FRMD1: variants seen among roughly 807,000 people sequenced by gnomAD.
The protein encoded by FRMD1 is FERM domain containing 1.
FRMD1 carries 51 observed loss-of-function variants against 54.9 expected under a neutral mutation model. That is an observed-to-expected ratio of 0.93 (90% confidence interval 0.74 to 1.17). The LOEUF is 1.17. Among genes scored for constraint, FRMD1 ranks in the 50% most tolerant of loss-of-function variants. The pLI, the probability that FRMD1 is intolerant of heterozygous loss-of-function variation, is 0.00. For missense variants in FRMD1, 729 were observed against 743.0 expected (o/e 0.98, Z 0.22); for synonymous variants, 324 against 306.4 (o/e 1.06, Z -0.60).
At position 168,064,984 on chromosome 6, in the gene FRMD1, C is replaced by A; in HGVS notation, c.535G>T (p.Glu179Ter). 2 of 1,611,956 alleles carry A rather than the reference C, an allele frequency of 1.2e-6. No homozygotes were observed. Among genetic ancestry groups the A allele is most frequent in the Non-Finnish European group, 1.7e-6 (2 of 1,179,894 alleles). ...GCAGCCAGCAGGAAGTAGGCTTCCT[C>A]CCGGTGAGCGCACTGTGACCTCAGC... ...RVLRSQCAHR[E>*]EAYFLLAACA... is the part of the protein sequence containing the mutation. The change falls in exon 5 of 11, where the codon GAG becomes TAG. Residue 179 changes from glutamate to a stop codon, truncating the protein, a stop_gained. Transcript: ENST00000283309. LOFTEE classifies it high-confidence loss of function.
At chr6:168,080,839 G>A (rs1457474007), upstream of FRMD1, among the ~76,000 whole-genome samples, 10 of 151,666 alleles carry the variant, frequency 6.6e-5, no homozygotes, top group African/African-American at 1.7e-4. Context: ...TTGTGCGGGC[G>A]CTGGTGTGTG....
chr6:168,080,822 C>T (rs563130311), upstream of FRMD1, among the ~76,000 whole-genome samples: 9 of 150,070 alleles, frequency 6.0e-5, no homozygotes, highest in Non-Finnish European at 1.0e-4. Context: ...TGTGTGCGGG[C>T]GCTGGTTTGT....
rs1174886063 is a variant in FRMD1, at chr6:168,086,998, C to T, written c.-11-7974G>A. 2.0e-5 allele frequency among the ~76,000 whole-genome samples: 3 copies of T among 152,022 alleles called. No homozygotes were observed. In the South Asian group the frequency reaches 6.2e-4, roughly 32 times the overall value. On this transcript the variant is annotated intron_variant, in intron 1 of 12. Transcript: ENST00000644440. ...TGTGGTCACCTCAGCCCTGCGCTCA[C>T]CAGCCACTCACCTCTCCCCGCTCAC...
At chr6:168,081,027 G>A (rs1202364091), upstream of FRMD1, among the ~76,000 whole-genome samples, 5 of 152,212 alleles carry the variant, frequency 3.3e-5, no homozygotes, top group East Asian at 5.8e-4. Flanking sequence ...TGTCAAAGCA[G>A]GACGTCCCTG....
chr6:168,063,206 GC>G (rs1223970191), intron 6 of FRMD1, among the ~76,000 whole-genome samples: 5 of 152,072 alleles, frequency 3.3e-5, no homozygotes, highest in Non-Finnish European at 7.4e-5. Flanking sequence ...GCCATGCCGG[GC>G]CCGGGGTCCT....
In FRMD1 at chr6:168,059,057, C is replaced by A; in HGVS notation, c.1407+67G>T. On this transcript the variant is annotated intron_variant, in intron 10 of 10. Coordinates refer to ENST00000283309, the MANE Select transcript of FRMD1 (RefSeq NM_024919.6). The surrounding 1 kb of genome is among the most constrained non-coding windows in gnomAD (Gnocchi z 4.4). Reference sequence around the variant, plus strand: ...CTAGGAAGGTCCCCAGGGCCCCTGACAGGGGACCTAGGAGAAGGGGGTGGA... The same window carrying A: ...CTAGGAAGGTCCCCAGGGCCCCTGAAAGGGGACCTAGGAGAAGGGGGTGGA... 9.8e-6 allele frequency: 13 copies of A among 1,326,444 alleles called. No individual in the cohort carries two copies. The highest frequency in any genetic ancestry group is 1.4e-5 in the Non-Finnish European group (13 of 956,052). The allele number at this position is 1,326,444 out of a possible 1,614,324, so 82.2% of individuals were successfully genotyped here. A position where few individuals can be genotyped will look rare whatever the true frequency, so the allele number is the denominator to read the frequency against.
At chr6:168,085,371 C>T (rs558166421), upstream of FRMD1, among the ~76,000 whole-genome samples, 34 of 152,346 alleles carry the variant, frequency 2.2e-4, no homozygotes, top group Non-Finnish European at 3.8e-4. Flanking sequence ...ACAGTGAGGC[C>T]GCCTGGAGGG....
At chr6:168,080,378 G>A (rs1343153273), upstream of FRMD1, among the ~76,000 whole-genome samples, 3 of 151,458 alleles carry the variant, frequency 2.0e-5, no homozygotes, top group Admixed American at 6.6e-5. Flanking sequence ...CACAGCAAAC[G>A]TAGAGCTGTT....
chr6:168,082,181 A>G (rs1407615363), upstream of FRMD1, among the ~76,000 whole-genome samples: 1 of 152,312 alleles, frequency 6.6e-6, no homozygotes, highest in African/African-American at 2.4e-5. Flanking sequence ...CCTCTGCACA[A>G]TCAGCAACAC....
chr6:168,064,033 C>A (rs1799898394), intron 5 of FRMD1, among the ~76,000 whole-genome samples: 1 of 152,226 alleles, frequency 6.6e-6, no homozygotes, highest in Non-Finnish European at 1.5e-5. Context: ...GGACTCTACT[C>A]CCAACGAGCC....
At chr6:168,068,734 G>T (rs1324013258) in intron 2 of FRMD1, among the ~76,000 whole-genome samples, 2 of 152,210 alleles carry the variant, frequency 1.3e-5, no homozygotes, top group African/African-American at 2.4e-5. Context: ...ACAGGGAAAA[G>T]TTAGTCCCTG....
At chr6:168,082,244 C>A (rs531046793), upstream of FRMD1, among the ~76,000 whole-genome samples, 2 of 152,254 alleles carry the variant, frequency 1.3e-5, no homozygotes, top group Admixed American at 1.3e-4. Context: ...TTTACCGACT[C>A]GGCTGCGATG....
At chr6:168,092,939 C>T (rs746071652) in intron 1 of FRMD1, 9 of 152,178 alleles carry the variant, frequency 5.9e-5, no homozygotes, top group Non-Finnish European at 1.2e-4. Context: ...GGAATGGGTA[C>T]TTTATAAAGG....
At position 168,075,964 on chromosome 6, in the gene FRMD1, T is replaced by G. The variant is rs1159449451; in HGVS notation, c.214-629A>C. 4.1e-6 allele frequency: 4 copies of G among 984,764 alleles called. No individual in the cohort carries two copies. The East Asian group carries it at 1.1e-4, about 28-fold the overall frequency. The allele number at this position is 984,764 out of a possible 1,614,324, so 61.0% of individuals were successfully genotyped here. On this transcript the variant is annotated intron_variant, in intron 1 of 10. Coordinates refer to ENST00000283309, the MANE Select transcript of FRMD1 (RefSeq NM_024919.6). Reference sequence around the variant, plus strand: ...CGGTGTCCACATTTCCGGTGTCCCGTGTCCGCATTTCCGGCGTCTCGCATG... The same window carrying G: ...CGGTGTCCACATTTCCGGTGTCCCGGGTCCGCATTTCCGGCGTCTCGCATG...
chr6:168,057,379 C>T, intron 10 of FRMD1, 40 bp from the exon 11 acceptor site: 1 of 1,595,032 alleles, frequency 6.3e-7, no homozygotes, highest in Non-Finnish European at 8.5e-7. Context: ...GCTGCCCCCT[C>T]TCACTCCCAC....
At chr6:168,088,304 G>T (rs566477956) in intron 1 of FRMD1, among the ~76,000 whole-genome samples, 2 of 152,320 alleles carry the variant, frequency 1.3e-5, no homozygotes, top group East Asian at 3.9e-4. Context: ...CTGGGTGCTC[G>T]GGTTCAGTGC....
At chr6:168,062,120 G>A in intron 7 of FRMD1, 139 bp from the exon 8 acceptor site, 1 of 880,712 alleles carries the variant, frequency 1.1e-6, no homozygotes, top group South Asian at 1.7e-5. Context: ...ATGGCTGTTG[G>A]CGGACACTGT....
In FRMD1 at chr6:168,075,273, C is replaced by T. The variant is rs764755596; in HGVS notation, c.276G>A (p.Ala92=). ...QVCNVASIRD[A]QFFGLCVVRN... ...TGACCACACAGAGGCCAAAGAACTG[C>T]GCGTCTCTGATGCTCGCCACGTTGC... Residue 92 remains alanine, a synonymous_variant, in exon 2 of 11, where the codon GCG becomes GCA. Transcript: ENST00000283309. The T allele has an allele frequency of 9.3e-6, 15 of 1,613,644 alleles. No homozygotes were observed. The highest frequency in any genetic ancestry group is 5.0e-5 in the Admixed American group (3 of 60,002).
At chr6:168,081,698 C>T (rs1456933412), upstream of FRMD1, 6 of 503,142 alleles carry the variant, frequency 1.2e-5, no homozygotes. Context: ...CTAAACATCC[C>T]ACTGCAAGGG....
Sources: allele counts gnomAD v4.1 joint callset (sites outside exome capture counted in the v4.1 genomes callset), GRCh38; gene constraint gnomAD v4.1.1; non-coding constraint Gnocchi (gnomAD v3.1); transcripts MANE v1.5; gene names NCBI Gene and HGNC (gene_info 2026-07-23, HGNC 2026-07-21).